The following ASIC2 variants were observed in gnomAD, a reference collection of about 807,000 sequenced individuals.
ASIC2 encodes the protein acid-sensing ion channel 2.
Under a neutral mutation model 57.3 loss-of-function variants are expected in ASIC2, and 25 were observed. That is an observed-to-expected ratio of 0.44 (90% confidence interval 0.32 to 0.61). The LOEUF (loss-of-function observed/expected upper bound fraction) is 0.61. Ranked by LOEUF, ASIC2 falls within the 20% of genes least tolerant of loss-of-function variation. ASIC2 has a pLI of 0.06. For synonymous variants in ASIC2, 319 were observed against 307.5 expected (o/e 1.04, Z -0.39); for missense variants, 641 against 738.1 (o/e 0.87, Z 1.52).
At chr17:33,197,821 GC>G (rs1211147142) in intron 1 of ASIC2, among the ~76,000 whole-genome samples, 1 of 152,152 alleles carries the variant, frequency 6.6e-6, no homozygotes, top group African/African-American at 2.4e-5. Context: ...TTCAAACCGG[GC>G]TTTGTAGTCA....
At chr17:34,095,832 G>A (rs1337377023) in intron 1 of ASIC2, among the ~76,000 whole-genome samples, 1 of 150,368 alleles carries the variant, frequency 6.7e-6, no homozygotes, top group South Asian at 2.1e-4. Context: ...AAAGTGAAGG[G>A]TTGGAGGAGA....
At chr17:33,317,103 C>T (rs1278477050) in intron 1 of ASIC2, among the ~76,000 whole-genome samples, 1 of 152,236 alleles carries the variant, frequency 6.6e-6, no homozygotes, top group Non-Finnish European at 1.5e-5. Flanking sequence ...ATGCCACTTG[C>T]CTTAACAGTT....
intron 1 of ASIC2, among the ~76,000 whole-genome samples, chr17:33,186,968 C>G (rs117897149): frequency 0.018 from 2,764 of 152,246 alleles, 78 homozygotes; most frequent in East Asian, 0.11. Flanking sequence ...ATACAACAAC[C>G]GGTGATGACC....
chr17:33,844,444 C>T (rs750073456), intron 1 of ASIC2, among the ~76,000 whole-genome samples: 55 of 151,934 alleles, frequency 3.6e-4, no homozygotes, highest in Non-Finnish European at 7.1e-4. Flanking sequence ...GTAAGATGGC[C>T]CTAATTATGG....
chr17:33,990,516 C>G (rs1597964840), intron 1 of ASIC2, among the ~76,000 whole-genome samples: 1 of 152,152 alleles, frequency 6.6e-6, no homozygotes, highest in East Asian at 1.9e-4. Flanking sequence ...AATGTCCTGT[C>G]AAAGACCAAC....
chr17:33,922,625 C>A (rs973366099), intron 1 of ASIC2, among the ~76,000 whole-genome samples: 7 of 152,184 alleles, frequency 4.6e-5, no homozygotes, highest in African/African-American at 9.7e-5. Context: ...AGGCTCTATA[C>A]TATATGTTTT....
intron 1 of ASIC2, among the ~76,000 whole-genome samples, chr17:33,458,190 GT>G (rs1467408100): frequency 6.6e-6 from 1 of 152,180 alleles, no homozygotes; most frequent in African/African-American, 2.4e-5. Context: ...ATCTCTAGGT[GT>G]GGTTGGGGAA....
chr17:33,648,518 C>G (rs1231105808), intron 1 of ASIC2, among the ~76,000 whole-genome samples: 4 of 152,228 alleles, frequency 2.6e-5, no homozygotes, highest in African/African-American at 7.2e-5. Flanking sequence ...CCTGGGGCCT[C>G]AAATCTGCAA....
chr17:33,350,921 G>A (rs1908145564), intron 1 of ASIC2, among the ~76,000 whole-genome samples: 1 of 152,134 alleles, frequency 6.6e-6, no homozygotes, highest in South Asian at 2.1e-4. Context: ...TCCAGGAAAT[G>A]TGATCTCTTT....
chr17:33,234,487 A>T (rs1322709273), intron 1 of ASIC2, among the ~76,000 whole-genome samples: 1 of 152,174 alleles, frequency 6.6e-6, no homozygotes, highest in African/African-American at 2.4e-5. Flanking sequence ...CTCTGCCCAC[A>T]GGCACTCATC....
intron 1 of ASIC2, among the ~76,000 whole-genome samples, chr17:33,833,298 T>G (rs1913171931): frequency 6.6e-6 from 1 of 152,220 alleles, no homozygotes; most frequent in South Asian, 2.1e-4. Context: ...AGTGCAGTAT[T>G]GGTTTTATAG....
intron 1 of ASIC2, among the ~76,000 whole-genome samples, chr17:33,799,471 TTTCTTTCC>T (rs1912060777): frequency 4.3e-5 from 6 of 137,972 alleles, no homozygotes; most frequent in African/African-American, 1.4e-4. Context: ...TCTTTCTTTC[TTTCTTTCC>T]TTCTTTCTTT....
chr17:33,173,513 C>T (rs1479947046), intron 1 of ASIC2, among the ~76,000 whole-genome samples: 2 of 152,156 alleles, frequency 1.3e-5, no homozygotes, highest in African/African-American at 2.4e-5. Context: ...TTTGTCCTGG[C>T]CCCCTTCCTG....
intron 1 of ASIC2, among the ~76,000 whole-genome samples, chr17:33,689,711 C>T (rs1908306492): frequency 6.6e-6 from 1 of 152,178 alleles, no homozygotes. Flanking sequence ...ACTTAAGTTA[C>T]AGGTTTTGAG....
At chr17:33,557,902 C>T (rs945231022) in intron 1 of ASIC2, among the ~76,000 whole-genome samples, 4 of 152,184 alleles carry the variant, frequency 2.6e-5, no homozygotes, top group African/African-American at 9.6e-5. Context: ...TGGCAGTAAC[C>T]TTCCAACTGG....
chr17:33,439,462 A>C (rs979691789), intron 1 of ASIC2, among the ~76,000 whole-genome samples: 3 of 152,188 alleles, frequency 2.0e-5, no homozygotes, highest in Non-Finnish European at 4.4e-5. Context: ...AGAGCATGTT[A>C]AGAATAGGGA....
intron 1 of ASIC2, among the ~76,000 whole-genome samples, chr17:33,221,720 A>G (rs1418560669): frequency 6.6e-6 from 1 of 152,238 alleles, no homozygotes; most frequent in Non-Finnish European, 1.5e-5. Context: ...TTTGAGCTTT[A>G]AAATATGTTT....
At chr17:33,577,887 T>G (rs1232778888) in intron 1 of ASIC2, among the ~76,000 whole-genome samples, 4 of 152,112 alleles carry the variant, frequency 2.6e-5, no homozygotes. Context: ...TGGCAGCCAG[T>G]GGTGTGTTCC....
At chr17:33,393,634 T>C (rs1359504860) in intron 1 of ASIC2, among the ~76,000 whole-genome samples, 1 of 152,128 alleles carries the variant, frequency 6.6e-6, no homozygotes, top group Admixed American at 6.5e-5. Flanking sequence ...ACCTATCTCA[T>C]AGGGCTGTGG....
Sources: allele counts gnomAD v4.1 joint callset (sites outside exome capture counted in the v4.1 genomes callset), GRCh38; gene constraint gnomAD v4.1.1; transcripts MANE v1.5; gene names NCBI Gene and HGNC (gene_info 2026-07-23, HGNC 2026-07-21).